The following MYH6 variants were observed in gnomAD, a reference collection of about 807,000 sequenced individuals.
The protein encoded by MYH6 is myosin-6.
Under a neutral mutation model 223.2 loss-of-function variants are expected in MYH6, and 126 were observed. The observed-to-expected ratio is 0.56, with a 90% CI of 0.49 to 0.65. MYH6 has a LOEUF of 0.65. Ranked by LOEUF, MYH6 falls within the 30% of genes least tolerant of loss-of-function variation. The pLI is 0.00. For synonymous variants in MYH6, 978 were observed against 1,010.2 expected (o/e 0.97, Z 0.61); for missense variants, 2,040 against 2,536.4 (o/e 0.80, Z 4.20).
At chr14:23,402,407 C>A in intron 12 of MYH6, 57 bp downstream of exon 12, 1 of 1,608,052 alleles carries the variant, frequency 6.2e-7, no homozygotes, top group Non-Finnish European at 8.5e-7. Context: ...CTGAGTCCCG[C>A]AGAGAGCCTG....
Position 23,396,726 on chromosome 14 carries a change from C to G in MYH6, c.2260G>C (p.Asp754His). The G allele has an allele frequency of 6.2e-7, 1 of 1,614,002 alleles. No homozygotes were observed. The highest frequency in any genetic ancestry group is 8.5e-7 in the Non-Finnish European group (1 of 1,179,878). ...TGGCCAAACTTGTACTGGTTGTGAT[C>G]AATGTCCAGAGAGCTGAGCAGCTTC... ...TEKLLSSLDI[D>H]HNQYKFGHTK... Residue 754 changes from aspartate (D) to histidine (H), a missense_variant, in exon 19 of 39, where the codon GAT becomes CAT. This residue lies in a region of MYH6 where 649 missense variants were observed against 877.3 expected (regional missense o/e 0.74). Coordinates refer to ENST00000405093, the MANE Select transcript of MYH6 (RefSeq NM_002471.4).
chr14:23,396,988 T>C lies in MYH6; in HGVS notation c.2143A>G (p.Ile715Val), dbSNP rs772374378. The change falls in exon 18 of 39, where the codon ATC (isoleucine) becomes GTC (valine). Residue 715 changes from isoleucine (I) to valine (V), a missense_variant. Physicochemically the swap from Ile to Val is conservative, Grantham distance 29. Around this residue, in one of 4 missense-constraint regions of MYH6, gnomAD observed 649 missense variants for 877.3 expected, o/e 0.74. Transcript: ENST00000405093. ...RICRKGFPNR[I>V]LYGDFRQRYR... is the part of the protein sequence containing the mutation. The stretch of plus-strand genomic sequence containing the variant: ...CTCTGCCGGAAGTCCCCGTAGAGGA[T>C]GCGGTTGGGGAAGCCCTTCCTGCAG... 10 of 1,613,370 alleles carry C rather than the reference T, an allele frequency of 6.2e-6. No homozygotes were observed. Among genetic ancestry groups the C allele is most frequent in the Non-Finnish European group, 8.5e-6 (10 of 1,180,032 alleles).
Position 23,405,883 on chromosome 14 carries a change from G to C in MYH6, c.202-113C>G. 7.3e-7 allele frequency: 1 copy of C among 1,369,040 alleles called. No individual in the cohort carries two copies. The highest frequency in any genetic ancestry group is 1.0e-6 in the Non-Finnish European group (1 of 964,214). 84.8% of individuals were successfully genotyped at this position (1,369,040 alleles called of 1,614,324 possible). On this transcript the variant is annotated intron_variant, in intron 3 of 38. Transcript: ENST00000405093. This position sits in a 1 kb window ranked among gnomAD's most constrained non-coding sequence, Gnocchi z 4.7. ...ACAGGGACTTGGCCTTGCTCCCCTT[G>C]CTCTGACCAGTGCCCCGGCCCCTAC...
chr14:23,402,700 G>A lies in MYH6; in HGVS notation c.999C>T (p.Thr333=), dbSNP rs78107039. The A allele has an allele frequency of 0.013, 21,291 of 1,613,290 alleles. 497 individuals carry two copies. The highest frequency in any genetic ancestry group is 0.096 in the African/African-American group (7,159 of 74,716). The part of the protein sequence containing the change: ...SIDDSEELMA[T]DSAFDVLGFT... ...CCGCAGCAGCCCCCTCACTCACATC[G>A]GTGGCCATGAGCTCCTCGGAGTCAT... is the stretch of plus-strand genomic sequence containing the variant. The change falls in exon 11 of 39, where the codon ACC becomes ACT. Residue 333 remains threonine, a synonymous_variant. Transcript: ENST00000405093.
At chr14:23,404,564 G>A (rs1429932615) in intron 7 of MYH6, 147 bp downstream of exon 7, 4 of 1,061,576 alleles carry the variant, frequency 3.8e-6, no homozygotes, top group Non-Finnish European at 5.7e-6. Flanking sequence ...TCTCCTGTCA[G>A]GAAGGTCTTC....
intron 20 of MYH6, 33 bp downstream of exon 20, chr14:23,396,251 C>T (rs1408134064): frequency 6.2e-7 from 1 of 1,613,864 alleles, no homozygotes; most frequent in Admixed American, 1.7e-5. Context: ...CTCTACATCT[C>T]TAGTGCATGC....
rs755939165 is a variant in MYH6 at position 23,405,251 on chromosome 14, G to A, written c.474C>T (p.Ser158=). 23 of 1,614,162 alleles carry A rather than the reference G, an allele frequency of 1.4e-5. No individual in the cohort carries two copies. The highest frequency in any genetic ancestry group is 6.7e-5 in the East Asian group (3 of 44,882). The change falls in exon 5 of 39, where the codon TCC becomes TCT. Residue 158 remains serine, a synonymous_variant. Coordinates refer to ENST00000405093, the MANE Select transcript of MYH6 (RefSeq NM_002471.4). This position sits in a 1 kb window ranked among gnomAD's most constrained non-coding sequence, Gnocchi z 4.7. ...SEAPPHIFSI[S]DNAYQYMLTD... ...TCAGCATGTACTGATAGGCGTTGTC[G>A]GAGATGGAGAAGATGTGGGGCGGGG...
At position 23,398,466 on chromosome 14, in the gene MYH6, T is replaced by A. The variant is rs1891497207; in HGVS notation, c.1891+262A>T. 2.0e-5 allele frequency among the ~76,000 whole-genome samples: 3 copies of A among 152,220 alleles called. 1 individual carries two copies. Among genetic ancestry groups the A allele is most frequent in the Admixed American group, 2.0e-4 (3 of 15,288 alleles). ...TTCCCTGCTGGGCATGGTACAGGGA[T>A]GCATGTGCCACCCTCACTGACCTCC... On this transcript the variant is annotated intron_variant, in intron 15 of 38. Coordinates refer to ENST00000405093, the MANE Select transcript of MYH6 (RefSeq NM_002471.4).
intron 36 of MYH6, 21 bp from the exon 37 acceptor site, chr14:23,383,341 G>GGGGGGGGGGCGGCCCCCCCCCCCC: frequency 1.8e-6 from 1 of 556,582 alleles, no homozygotes; most frequent in Non-Finnish European, 3.3e-6. Flanking sequence ...GAGGGTGGGA[G>GGGGGGGGGGCGGCCCCCCCCCCCC]AAGCTGGTTT....
Position 23,398,627 on chromosome 14 carries a change from C to G in MYH6, c.1891+101G>C. The G allele has an allele frequency of 5.0e-6, 7 of 1,409,274 alleles. No homozygotes were observed. In the South Asian group the frequency reaches 8.1e-5, roughly 16 times the overall value. The allele number at this position is 1,409,274 out of a possible 1,614,324, so 87.3% of individuals were successfully genotyped here. On this transcript the variant is annotated intron_variant, in intron 15 of 38. Transcript: ENST00000405093. The stretch of plus-strand genomic sequence containing the variant: ...AGGAGGTGGCTTGACTCATGGGCTC[C>G]CCTGTGCCTGCCTATGGAGTCATGT...
intron 20 of MYH6, 71 bp from the exon 21 acceptor site, chr14:23,394,394 C>T (rs772271651): frequency 2.5e-6 from 4 of 1,595,940 alleles, no homozygotes; most frequent in Non-Finnish European, 3.4e-6. Flanking sequence ...CCCTACTAAG[C>T]AAGTTCGTAG....
intron 10 of MYH6, among the ~76,000 whole-genome samples, 153 bp from the exon 11 acceptor site, chr14:23,402,953 T>C (rs1027928923): frequency 1.3e-5 from 2 of 149,428 alleles, no homozygotes; most frequent in African/African-American, 5.0e-5. Context: ...AGAAGAGAAG[T>C]CAGCAAGGAC....
In MYH6 at chr14:23,386,303, G is replaced by T. The variant is rs371661383; in HGVS notation, c.4959+12C>A. The T allele has an allele frequency of 1.2e-6, 2 of 1,613,928 alleles. No homozygotes were observed. The highest frequency in any genetic ancestry group is 1.7e-6 in the Non-Finnish European group (2 of 1,180,028). On this transcript the variant is annotated intron_variant, in intron 33 of 38. Transcript: ENST00000405093. ...GGCCAGTCCCCTGAGGGGACCTCCC[G>T]CCCCCATGTACCTTCAGCAAGCTCT...
Position 23,393,683 on chromosome 14 carries a change from G to C in MYH6, c.2911C>G (p.His971Asp). ...LTLAKVEKEKHATENKVKNLT... is the reference protein window; with the variant it reads ...LTLAKVEKEKDATENKVKNLT... ...GCCCTCACCTTGTTCTCTGTTGCAT[G>C]CTTCTCCTTCTCCACCTTGGCCAGT... Residue 971 changes from histidine to aspartate, a missense_variant, in exon 22 of 39, where the codon CAT (histidine) becomes GAT (aspartate). Physicochemically the swap from His to Asp is moderately conservative, Grantham distance 81. Coordinates refer to ENST00000405093, the MANE Select transcript of MYH6 (RefSeq NM_002471.4). The C allele has an allele frequency of 6.2e-7, 1 of 1,614,160 alleles. No homozygotes were observed. Among genetic ancestry groups the C allele is most frequent in the Non-Finnish European group, 8.5e-7 (1 of 1,180,034 alleles).
chr14:23,388,310 C>T lies in MYH6; in HGVS notation c.4204G>A (p.Ala1402Thr), dbSNP rs1891103732. The T allele has an allele frequency of 6.2e-7, 1 of 1,613,220 alleles. No homozygotes were observed. The highest frequency in any genetic ancestry group is 8.5e-7 in the Non-Finnish European group (1 of 1,180,046). Reference protein sequence around the residue: ...KKKLAQRLQDAEEAVEAVNAK... With the variant: ...KKKLAQRLQDTEEAVEAVNAK... ...TTAACAGCCTCCACGGCCTCCTCGG[C>T]ATCCTGCAGCCGCTGGGCCAGCTTC... is the stretch of plus-strand genomic sequence containing the variant. The change falls in exon 30 of 39, where the codon GCC becomes ACC. Residue 1402 changes from alanine (A) to threonine (T), a missense_variant. Around this residue, in one of 4 missense-constraint regions of MYH6, gnomAD observed 1,203 missense variants for 1,400.2 expected, o/e 0.86. Transcript: ENST00000405093.
intron 25 of MYH6, among the ~76,000 whole-genome samples, chr14:23,392,164 A>G (rs1891252279): frequency 6.6e-6 from 1 of 151,274 alleles, no homozygotes; most frequent in South Asian, 2.1e-4. Flanking sequence ...AGTACCGGGA[A>G]GAATATGAAC....
At chr14:23,404,593 G>A (rs940418007) in intron 7 of MYH6, 118 bp downstream of exon 7, 14 of 1,147,206 alleles carry the variant, frequency 1.2e-5, no homozygotes, top group Admixed American at 5.7e-5. Flanking sequence ...GCTGACCATC[G>A]GGAGCCCAGC....
Position 23,396,697 on chromosome 14 carries a change from G to C in MYH6, c.2289C>G (p.Thr763=), listed in dbSNP as rs1891406380. Residue 763 remains threonine, a synonymous_variant, in exon 19 of 39, where the codon ACC becomes ACG. Coordinates refer to ENST00000405093, the MANE Select transcript of MYH6 (RefSeq NM_002471.4). ...CCCAGTGGGGCTCTAGACTCACCTT[G>C]GTGTGGCCAAACTTGTACTGGTTGT... is the stretch of plus-strand genomic sequence containing the variant. The part of the protein sequence containing the change: ...IDHNQYKFGH[T]KVFFKAGLLG... 6.2e-6 allele frequency: 10 copies of C among 1,613,988 alleles called. No homozygotes were observed. Among genetic ancestry groups the C allele is most frequent in the Non-Finnish European group, 8.5e-6 (10 of 1,179,864 alleles).
intron 9 of MYH6, 49 bp from the exon 10 acceptor site, chr14:23,403,495 G>C (rs1891677175): frequency 1.3e-6 from 2 of 1,547,860 alleles, no homozygotes; most frequent in Non-Finnish European, 1.8e-6. Context: ...AAAGAGAGTA[G>C]AGCCAGAAAA....
Sources: gnomAD v4.1 joint callset for allele counts (sites outside exome capture counted in the v4.1 genomes callset) on GRCh38, gnomAD v4.1.1 for gene constraint, gnomAD v4.1.1 regional missense constraint, Gnocchi (gnomAD v3.1) non-coding constraint, MANE v1.5 for transcripts, NCBI Gene and HGNC (gene_info 2026-07-23, HGNC 2026-07-21) for gene names.